Variants in NT5DC3 observed in about 807,000 individuals in gnomAD.
NT5DC3 encodes 5'-nucleotidase domain containing 3, also known as 5'-nucleotidase domain-containing protein 3.
In NT5DC3, 42 loss-of-function variants were observed where a neutral mutation model predicts 67.8. The ratio of observed to expected loss-of-function variants is 0.62; its 90% CI spans 0.48 to 0.80. The LOEUF is 0.80. Ranked by LOEUF, NT5DC3 falls within the 30% of genes least tolerant of loss-of-function variation. The probability of loss-of-function intolerance (pLI) is 0.00; values close to 1 mark genes in which losing one functional copy is unlikely to be tolerated. For synonymous variants in NT5DC3, 237 were observed against 255.6 expected (o/e 0.93, Z 0.69); for missense variants, 570 against 696.4 (o/e 0.82, Z 2.04).
chr12:103,840,126 C>T (rs1036315576), intron 1 of NT5DC3, among the ~76,000 whole-genome samples: 12 of 152,188 alleles, frequency 7.9e-5, no homozygotes, highest in African/African-American at 2.9e-4. Flanking sequence ...AAACCTGAGT[C>T]TCGCCTTTCC....
intron 2 of NT5DC3, among the ~76,000 whole-genome samples, chr12:103,808,927 T>C (rs552199627): frequency 7.5e-4 from 115 of 152,360 alleles, no homozygotes; most frequent in African/African-American, 2.5e-3. Flanking sequence ...ACTTTCTTTA[T>C]CTTTATCCCT....
At chr12:103,747,267 T>C in the NT5DC3 span, among the ~76,000 whole-genome samples, 1 of 152,220 alleles carries the variant, frequency 6.6e-6, no homozygotes, top group African/African-American at 2.4e-5. Context: ...TATCCCTCTA[T>C]AGTAGTTAGG....
downstream of NT5DC3, chr12:103,766,403 A>AC (rs1200091289): frequency 2.0e-6 from 3 of 1,536,764 alleles, no homozygotes; most frequent in African/African-American, 4.1e-5. Context: ...AATTCTCAGC[A>AC]CCAGTTGCCT....
the NT5DC3 span, among the ~76,000 whole-genome samples, chr12:103,748,605 TACACACACACACACACACAC>T: frequency 0.16 from 22,755 of 141,164 alleles, 1,913 homozygotes; most frequent in Non-Finnish European, 0.21. Flanking sequence ...CACACACACA[TACACACACACACACACACAC>T]ACACACACAC....
intron 1 of NT5DC3, among the ~76,000 whole-genome samples, chr12:103,823,199 A>T (rs1168879063): frequency 6.6e-6 from 1 of 150,422 alleles, no homozygotes. Flanking sequence ...GAGGTGAAAA[A>T]TTTCCCGGAG....
chr12:103,756,786 GTC>G, the NT5DC3 span, among the ~76,000 whole-genome samples: 2 of 151,998 alleles, frequency 1.3e-5, no homozygotes, highest in Non-Finnish European at 2.9e-5. Flanking sequence ...CCAAAATGGA[GTC>G]TCTGTCCACA....
chr12:103,789,260 C>T (rs1235249625), intron 9 of NT5DC3, among the ~76,000 whole-genome samples: 4 of 152,084 alleles, frequency 2.6e-5, no homozygotes, highest in African/African-American at 7.2e-5. Context: ...CCCATCTCTA[C>T]TAAAAATACA....
intron 4 of NT5DC3, among the ~76,000 whole-genome samples, chr12:103,800,468 A>C (rs1886520022): frequency 6.6e-6 from 1 of 152,278 alleles, no homozygotes; most frequent in Non-Finnish European, 1.5e-5. Flanking sequence ...TAAAAAGTCA[A>C]GTGATTCAGC....
intron 1 of NT5DC3, among the ~76,000 whole-genome samples, chr12:103,820,596 G>T (rs779287966): frequency 5.3e-5 from 8 of 152,126 alleles, no homozygotes; most frequent in African/African-American, 1.9e-4. Context: ...CTTAGTACAG[G>T]CCTAGAGCTT....
At chr12:103,809,484 C>T (rs893430445) in intron 2 of NT5DC3, among the ~76,000 whole-genome samples, 17 of 152,210 alleles carry the variant, frequency 1.1e-4, no homozygotes, top group Admixed American at 1.1e-3. Flanking sequence ...TGCTGATAAA[C>T]ACATACCTGA....
At position 103,793,410 on chromosome 12, in the gene NT5DC3, A is replaced by G. The variant is rs1886155201; in HGVS notation, c.917T>C (p.Val306Ala). The G allele has an allele frequency of 4.3e-6, 7 of 1,613,094 alleles. No individual in the cohort carries two copies. Among genetic ancestry groups the G allele is most frequent in the Non-Finnish European group, 5.9e-6 (7 of 1,179,042 alleles). ...AGCAATGAAACACAGAGCAACTTAC[A>G]CAAAGCTACTGGGGCTATTGGTGAT... ...FLITNSPSSF[V>A]DKGMSYIVGK... Residue 306 changes from valine to alanine, a missense_variant and splice_region_variant, in exon 8 of 14, where the codon GTG becomes GCG. Around this residue, in one of 2 missense-constraint regions of NT5DC3, gnomAD observed 466 missense variants for 608.0 expected, o/e 0.77. Coordinates refer to ENST00000392876, the MANE Select transcript of NT5DC3 (RefSeq NM_001031701.3).
rs994181564 is a variant in NT5DC3 at position 103,776,663 on chromosome 12, A to G, written c.*1166T>C. 1 of 116,026 alleles carries G rather than the reference A, an allele frequency of 8.6e-6. No individual in the cohort carries two copies. Among genetic ancestry groups the G allele is most frequent in the Non-Finnish European group, 1.9e-5 (1 of 52,886 alleles). 7.2% of individuals were successfully genotyped at this position (116,026 alleles called of 1,614,324 possible). A position where few individuals can be genotyped will look rare whatever the true frequency, so the allele number is the denominator to read the frequency against. ...TCCCATCTTAGACATCTAAAAAAAA[A>G]CAAAACAAAACAAAAAAAAAAAAAA... On this transcript the variant is annotated 3_prime_UTR_variant, in exon 14 of 14. Coordinates refer to ENST00000392876, the MANE Select transcript of NT5DC3 (RefSeq NM_001031701.3).
the NT5DC3 span, chr12:103,761,321 G>A: frequency 1.9e-6 from 3 of 1,614,050 alleles, no homozygotes; most frequent in South Asian, 2.2e-5. Context: ...GTTTGTTGAT[G>A]GAAGAGCCAT....
At chr12:103,768,440 AG>A (rs1474699118), downstream of NT5DC3, among the ~76,000 whole-genome samples, 1 of 145,134 alleles carries the variant, frequency 6.9e-6, no homozygotes. Context: ...ATCCAAAAAA[AG>A]AAAGTTTGAA....
chr12:103,785,823 AG>A (rs947007771), intron 11 of NT5DC3: 11 of 450,656 alleles, frequency 2.4e-5, no homozygotes, highest in Admixed American at 3.0e-5. Flanking sequence ...ATGCTACCAA[AG>A]GTCTTCATTC....
chr12:103,794,597 T>C (rs888699923), intron 6 of NT5DC3, among the ~76,000 whole-genome samples: 1 of 152,258 alleles, frequency 6.6e-6, no homozygotes, highest in Admixed American at 6.5e-5. Context: ...TGATAGACAG[T>C]AATTTATATC....
At chr12:103,763,354 G>C in the NT5DC3 span, 6 of 676,156 alleles carry the variant, frequency 8.9e-6, no homozygotes, top group East Asian at 1.5e-4. Flanking sequence ...TATTATATGT[G>C]AATCATCTCT....
chr12:103,781,467 A>C (rs1885548597), intron 12 of NT5DC3, among the ~76,000 whole-genome samples: 1 of 152,230 alleles, frequency 6.6e-6, no homozygotes, highest in Non-Finnish European at 1.5e-5. Flanking sequence ...CTTACCTCCC[A>C]CGAAGCACCC....
At chr12:103,763,655 G>C in the NT5DC3 span, 3 of 1,506,612 alleles carry the variant, frequency 2.0e-6, no homozygotes, top group African/African-American at 4.2e-5. Context: ...GGGGTACAGG[G>C]GAATGATGTC....
Sources: gnomAD v4.1 joint callset for allele counts (sites outside exome capture counted in the v4.1 genomes callset) on GRCh38, gnomAD v4.1.1 for gene constraint, gnomAD v4.1.1 regional missense constraint, MANE v1.5 for transcripts, NCBI Gene and HGNC (gene_info 2026-07-23, HGNC 2026-07-21) for gene names.